Variants in TRIM49C observed in about 807,000 individuals in gnomAD.
TRIM49C encodes the protein tripartite motif-containing protein 49C.
TRIM49C carries 6 observed loss-of-function variants against 21.4 expected under a neutral mutation model. The ratio of observed to expected loss-of-function variants is 0.28; its 90% CI spans 0.15 to 0.55. The LOEUF (loss-of-function observed/expected upper bound fraction) is 0.55, where lower values mean the gene tolerates loss of function less well. Ranked by LOEUF, TRIM49C falls within the 20% of genes least tolerant of loss-of-function variation. The pLI, the probability that TRIM49C is intolerant of heterozygous loss-of-function variation, is 0.94. For synonymous variants in TRIM49C, 57 were observed against 148.1 expected (o/e 0.38, Z 4.47); for missense variants, 161 against 442.4 (o/e 0.36, Z 5.71).
At chr11:90,039,073 C>A (rs1464931612) in intron 6 of TRIM49C, among the ~76,000 whole-genome samples, 1 of 134,776 alleles carries the variant, frequency 7.4e-6, no homozygotes, top group Non-Finnish European at 1.6e-5. Flanking sequence ...GCGCCCGCCA[C>A]CACACCCGGC....
chr11:90,056,047 C>T, the TRIM49C span, among the ~76,000 whole-genome samples: 1 of 132,682 alleles, frequency 7.5e-6, no homozygotes, highest in Non-Finnish European at 1.6e-5. Flanking sequence ...CAAGCTCCGC[C>T]TCCCAGGTTC....
intron 4 of TRIM49C, among the ~76,000 whole-genome samples, chr11:90,037,008 G>A (rs1402871959): frequency 7.4e-6 from 1 of 134,300 alleles, no homozygotes; most frequent in Non-Finnish European, 1.6e-5. Flanking sequence ...ACAAATGTGT[G>A]TGTGGATATA....
At chr11:90,047,886 T>A in the TRIM49C span, among the ~76,000 whole-genome samples, 1 of 119,596 alleles carries the variant, frequency 8.4e-6, no homozygotes, top group Non-Finnish European at 1.7e-5. Flanking sequence ...CAATTTGGCA[T>A]GTTTTTGCAG....
chr11:90,072,210 T>C, the TRIM49C span, among the ~76,000 whole-genome samples: 7 of 142,336 alleles, frequency 4.9e-5, 1 homozygote, highest in African/African-American at 1.8e-4. Flanking sequence ...GCATTTATAA[T>C]TTTAATCACG....
the TRIM49C span, among the ~76,000 whole-genome samples, chr11:90,064,343 A>T: frequency 4.6e-5 from 7 of 151,546 alleles, no homozygotes; most frequent in Non-Finnish European, 1.0e-4. Flanking sequence ...TATTTCAACT[A>T]TAATAATTAA....
At chr11:90,042,074 T>A, downstream of TRIM49C, 1 of 130,564 alleles carries the variant, frequency 7.7e-6, no homozygotes, top group Admixed American at 7.8e-5. Context: ...TCACCACAGA[T>A]ATAAATAATC....
At chr11:90,066,329 C>T in the TRIM49C span, among the ~76,000 whole-genome samples, 4 of 139,484 alleles carry the variant, frequency 2.9e-5, no homozygotes, top group Non-Finnish European at 4.7e-5. Flanking sequence ...CACATGCTAA[C>T]TTTAAAATTT....
chr11:90,041,077 G>A lies in TRIM49C; in HGVS notation c.886G>A (p.Ala296Thr), dbSNP rs1950765624. Residue 296 changes from alanine to threonine, a missense_variant, in exon 8 of 8, where the codon GCC becomes ACC. By Grantham distance (58) the Ala-to-Thr change is moderately conservative. Coordinates refer to ENST00000448984, the MANE Select transcript of TRIM49C (RefSeq NM_001195234.1). ...RVHITLHHEE[A>T]NSDIFLYEIL... Reference sequence around the variant, plus strand: ...GCATATTACTCTGCATCATGAAGAAGCCAACAGTGATATCTTTCTGTATGA... The same window carrying A: ...GCATATTACTCTGCATCATGAAGAAACCAACAGTGATATCTTTCTGTATGA... 2 of 1,588,030 alleles carry A rather than the reference G, an allele frequency of 1.3e-6. No individual in the cohort carries two copies. The highest frequency in any genetic ancestry group is 2.3e-5 in the South Asian group (2 of 88,854).
At chr11:90,073,270 T>A in the TRIM49C span, 1 of 1,004,502 alleles carries the variant, frequency 1.0e-6, no homozygotes, top group Non-Finnish European at 1.5e-6. Context: ...GTGTGTTTCT[T>A]AATTTTGAAA....
chr11:90,057,935 C>T, the TRIM49C span: 12 of 1,522,218 alleles, frequency 7.9e-6, no homozygotes, highest in Non-Finnish European at 1.1e-5. Context: ...CCCAGTAATG[C>T]TTGCCAGAGG....
the TRIM49C span, chr11:90,052,188 A>C: frequency 2.9e-6 from 1 of 345,416 alleles, no homozygotes; most frequent in Non-Finnish European, 5.2e-6. Flanking sequence ...GGGATTCCTC[A>C]CGGGAGCCCG....
the TRIM49C span, among the ~76,000 whole-genome samples, chr11:90,048,066 T>C: frequency 2.9e-5 from 3 of 103,264 alleles, no homozygotes; most frequent in African/African-American, 4.2e-5. Context: ...GGGTTGAAAA[T>C]TCTTCTCTGT....
At chr11:90,062,426 C>A in the TRIM49C span, among the ~76,000 whole-genome samples, 19 of 138,532 alleles carry the variant, frequency 1.4e-4, 1 homozygote, top group Admixed American at 1.3e-3. Context: ...GATTAGAGTG[C>A]CAAATTAGCC....
chr11:90,046,785 G>T (rs568043174), downstream of TRIM49C, among the ~76,000 whole-genome samples: 7 of 123,346 alleles, frequency 5.7e-5, 1 homozygote, highest in South Asian at 1.2e-3. Flanking sequence ...TGCTCTGATC[G>T]TAGTTATTTC....
chr11:90,048,794 T>A, the TRIM49C span, among the ~76,000 whole-genome samples: 1 of 125,976 alleles, frequency 7.9e-6, no homozygotes, highest in East Asian at 2.5e-4. Flanking sequence ...TCCAGCTTTG[T>A]TCCATTGCTG....
chr11:90,046,097 T>C (rs529004224), downstream of TRIM49C, among the ~76,000 whole-genome samples: 7 of 122,576 alleles, frequency 5.7e-5, 3 homozygotes, highest in South Asian at 1.5e-3. Flanking sequence ...GATTTGCGTA[T>C]GTTGAACCAG....
At chr11:90,062,189 A>C in the TRIM49C span, 1 of 424,914 alleles carries the variant, frequency 2.4e-6, no homozygotes, top group East Asian at 4.6e-5. Flanking sequence ...TTTCCAAGTT[A>C]AACGAATATG....
At chr11:90,053,094 C>A in the TRIM49C span, among the ~76,000 whole-genome samples, 1 of 139,498 alleles carries the variant, frequency 7.2e-6, no homozygotes, top group African/African-American at 2.5e-5. Context: ...ACCTGTTCTT[C>A]TGCTCATTCT....
At chr11:90,047,064 G>A in the TRIM49C span, among the ~76,000 whole-genome samples, 1 of 123,406 alleles carries the variant, frequency 8.1e-6, no homozygotes, top group African/African-American at 3.3e-5. Context: ...CAGTTTCCAT[G>A]TAGTTGAGCG....
Sources: allele counts gnomAD v4.1 joint callset (sites outside exome capture counted in the v4.1 genomes callset), GRCh38; gene constraint gnomAD v4.1.1; transcripts MANE v1.5; gene names NCBI Gene and HGNC (gene_info 2026-07-23, HGNC 2026-07-21).